Variants in PTPRM observed in about 807,000 individuals in gnomAD.
The protein encoded by PTPRM is protein tyrosine phosphatase receptor type M.
PTPRM carries 47 observed loss-of-function variants against 186.7 expected under a neutral mutation model. That is an observed-to-expected ratio of 0.25 (90% CI 0.20 to 0.32). The LOEUF (loss-of-function observed/expected upper bound fraction) is 0.32. Among genes scored for constraint, PTPRM ranks in the 10% least tolerant of loss-of-function variants. The pLI is 1.00. For missense variants in PTPRM, 1,494 were observed against 1,865.0 expected (o/e 0.80, Z 3.66); for synonymous variants, 668 against 674.9 (o/e 0.99, Z 0.16).
At chr18:8,231,970 CA>C (rs1261003697) in intron 14 of PTPRM, among the ~76,000 whole-genome samples, 4 of 152,170 alleles carry the variant, frequency 2.6e-5, no homozygotes, top group Admixed American at 6.5e-5. Context: ...CTTCATAATG[CA>C]CCTACTATGG....
In PTPRM at chr18:7,567,431, G is replaced by GCGGCCACGGCCA. The variant is rs1294627872; in HGVS notation, c.-380_-369dup. 1.3e-4 allele frequency: 20 copies of GCGGCCACGGCCA among 153,558 alleles called. 1 individual carries two copies. The East Asian group carries it at 3.8e-3, about 29-fold the overall frequency. 9.5% of individuals were successfully genotyped at this position (153,558 alleles called of 1,614,324 possible). A position where few individuals can be genotyped will look rare whatever the true frequency, so the allele number is the denominator to read the frequency against. Reference sequence around the variant, plus strand: ...TGGAGAGGCGGCGGGCGGAACGCGCGCGGCCACGGCCACGGCCACCGCCAC... The same window carrying GCGGCCACGGCCA: ...TGGAGAGGCGGCGGGCGGAACGCGCGCGGCCACGGCCACGGCCACGGCCACGGCCACCGCCAC... On this transcript the variant is annotated 5_prime_UTR_variant, in exon 1 of 33. Coordinates refer to ENST00000580170, the MANE Select transcript of PTPRM (RefSeq NM_001105244.2). This position sits in a 1 kb window ranked among gnomAD's most constrained non-coding sequence, Gnocchi z 4.3.
chr18:7,750,710 C>T (rs2041173581), intron 1 of PTPRM, among the ~76,000 whole-genome samples: 1 of 152,180 alleles, frequency 6.6e-6, no homozygotes, highest in African/African-American at 2.4e-5. Context: ...TATCTCATGA[C>T]CACAGGTTAC....
At chr18:8,078,746 G>A (rs1008339022) in intron 9 of PTPRM, among the ~76,000 whole-genome samples, 6 of 152,114 alleles carry the variant, frequency 3.9e-5, no homozygotes, top group Admixed American at 2.0e-4. Flanking sequence ...TGCTCCAGGC[G>A]AGGGTCTCAG....
chr18:8,001,328 G>A (rs1268200786), intron 7 of PTPRM, among the ~76,000 whole-genome samples: 2 of 152,170 alleles, frequency 1.3e-5, no homozygotes, highest in African/African-American at 4.8e-5. Context: ...TAGTGTCTTT[G>A]CTGACAGAAT....
chr18:8,314,414 A>G (rs1350684873), intron 20 of PTPRM, among the ~76,000 whole-genome samples: 9 of 152,236 alleles, frequency 5.9e-5, no homozygotes, highest in African/African-American at 2.2e-4. Flanking sequence ...GGTGGGTGTC[A>G]CAGCCTTCAA....
chr18:8,229,476 T>C (rs2094257195), intron 14 of PTPRM, among the ~76,000 whole-genome samples: 1 of 152,210 alleles, frequency 6.6e-6, no homozygotes, highest in African/African-American at 2.4e-5. Flanking sequence ...CTTTTCTTAA[T>C]TTTTTAGTTC....
intron 1 of PTPRM, among the ~76,000 whole-genome samples, chr18:7,663,356 G>A (rs1347255986): frequency 3.3e-5 from 5 of 152,176 alleles, no homozygotes; most frequent in Non-Finnish European, 7.4e-5. Flanking sequence ...GCAACTGAGA[G>A]GGGTGGGGCA....
At chr18:8,090,347 C>T (rs2090647264) in intron 11 of PTPRM, among the ~76,000 whole-genome samples, 1 of 152,152 alleles carries the variant, frequency 6.6e-6, no homozygotes, top group African/African-American at 2.4e-5. Context: ...GTCATTGGGA[C>T]AGGACTCAAT....
intron 5 of PTPRM, among the ~76,000 whole-genome samples, chr18:7,930,455 A>G (rs2051419047): frequency 6.6e-6 from 1 of 152,178 alleles, no homozygotes; most frequent in Non-Finnish European, 1.5e-5. Flanking sequence ...GTTGTATCCC[A>G]TGGTAGTTTA....
intron 1 of PTPRM, among the ~76,000 whole-genome samples, chr18:7,576,919 T>G (rs2036702424): frequency 6.6e-6 from 1 of 152,260 alleles, no homozygotes; most frequent in South Asian, 2.1e-4. Context: ...ATAAGGTGGT[T>G]TAAAGCATTC....
At chr18:7,636,449 C>T (rs73387565) in intron 1 of PTPRM, among the ~76,000 whole-genome samples, 6,302 of 152,244 alleles carry the variant, frequency 0.041, 152 homozygotes, top group East Asian at 0.097. Context: ...AAGTAAACCC[C>T]AGTCTTCCTT....
intron 7 of PTPRM, among the ~76,000 whole-genome samples, chr18:7,977,426 C>T (rs1224472259): frequency 2.6e-5 from 4 of 151,946 alleles, no homozygotes; most frequent in Non-Finnish European, 1.5e-5. Flanking sequence ...TGCACTTCAC[C>T]GTAGGTCCCT....
rs140925015 is a variant in PTPRM at position 7,952,204 on chromosome 18, G to A, written c.838+2849G>A. Among the ~76,000 whole-genome samples, 441 of 152,346 alleles carry A rather than the reference G, an allele frequency of 2.9e-3. 1 individual carries two copies. Among genetic ancestry groups the A allele is most frequent in the African/African-American group, 9.9e-3 (411 of 41,582 alleles). On this transcript the variant is annotated intron_variant, in intron 6 of 32. Coordinates refer to ENST00000580170, the MANE Select transcript of PTPRM (RefSeq NM_001105244.2). ...TGATGTATTAGGCATTTACATGTGC[G>A]TATCCATTAGATATATGTCTGTGTG...
intron 20 of PTPRM, among the ~76,000 whole-genome samples, chr18:8,304,821 A>T (rs372343032): frequency 9.1e-5 from 12 of 131,284 alleles, no homozygotes; most frequent in Admixed American, 1.5e-4. Context: ...TGTTGACTTT[A>T]TTTTTTTTTT....
In PTPRM at chr18:8,384,615, G is replaced by A. The variant is rs2095759951; in HGVS notation, c.3973G>A (p.Val1325Met). 2.5e-6 allele frequency: 4 copies of A among 1,614,000 alleles called. No individual in the cohort carries two copies. The South Asian group carries it at 3.3e-5, about 13-fold the overall frequency. The change falls in exon 30 of 33, where the codon GTG becomes ATG. Residue 1325 changes from valine to methionine, a missense_variant. Transcript: ENST00000580170. ...AGTACACAGACACGGCCCCATCCAGGTGGAATTTGTCTCTGCTGACCTGGA... is the reference window on the plus strand; with the variant it reads ...AGTACACAGACACGGCCCCATCCAGATGGAATTTGTCTCTGCTGACCTGGA... The part of the protein sequence containing the change: ...NGVHRHGPIQ[V>M]EFVSADLEED...
chr18:7,633,350 T>A (rs1244838605), intron 1 of PTPRM, among the ~76,000 whole-genome samples: 2 of 152,188 alleles, frequency 1.3e-5, no homozygotes, highest in East Asian at 1.9e-4. Flanking sequence ...GGAGTCACCA[T>A]GTTTTTGCTC....
intron 1 of PTPRM, among the ~76,000 whole-genome samples, chr18:7,640,864 G>C (rs2038427468): frequency 6.6e-6 from 1 of 152,126 alleles, no homozygotes; most frequent in Non-Finnish European, 1.5e-5. Flanking sequence ...AGAGCACCCT[G>C]AAGTTGGGGT....
chr18:8,276,275 A>G (rs995816342), intron 19 of PTPRM, among the ~76,000 whole-genome samples: 1 of 151,972 alleles, frequency 6.6e-6, no homozygotes, highest in East Asian at 1.9e-4. Context: ...TGCCTATTTC[A>G]TGAGTGTTAC....
intron 23 of PTPRM, among the ~76,000 whole-genome samples, chr18:8,370,587 C>T (rs545199443): frequency 2.0e-5 from 3 of 152,250 alleles, no homozygotes; most frequent in East Asian, 1.9e-4. Flanking sequence ...TTTTGCAGGC[C>T]GTTCTCTGAG....
Sources: gnomAD v4.1 joint callset for allele counts (sites outside exome capture counted in the v4.1 genomes callset) on GRCh38, gnomAD v4.1.1 for gene constraint, Gnocchi (gnomAD v3.1) non-coding constraint, MANE v1.5 for transcripts, NCBI Gene and HGNC (gene_info 2026-07-23, HGNC 2026-07-21) for gene names.